TRAPPC9: variants seen among roughly 807,000 people sequenced by gnomAD.
TRAPPC9 encodes IKK2 binding protein.
A neutral mutation model predicts 124.0 loss-of-function variants in TRAPPC9; 83 were observed. That is an observed-to-expected ratio of 0.67 (90% CI 0.56 to 0.80). The LOEUF is 0.80. Among genes scored for constraint, TRAPPC9 ranks in the 30% least tolerant of loss-of-function variants. The pLI, the probability that TRAPPC9 is intolerant of heterozygous loss-of-function variation, is 0.00. For synonymous variants in TRAPPC9, 638 were observed against 617.5 expected (o/e 1.03, Z -0.49); for missense variants, 1,302 against 1,508.3 (o/e 0.86, Z 2.27).
intron 21 of TRAPPC9, among the ~76,000 whole-genome samples, chr8:139,876,317 A>G (rs1016661927): frequency 1.3e-5 from 2 of 152,108 alleles, no homozygotes; most frequent in Admixed American, 1.3e-4. Flanking sequence ...GTTCAGATGG[A>G]AGCAGCAACA....
Position 140,395,127 on chromosome 8 carries a change from A to T in TRAPPC9, c.1134+2493T>A, listed in dbSNP as rs2069051514. 2.6e-5 allele frequency among the ~76,000 whole-genome samples: 4 copies of T among 152,204 alleles called. No homozygotes were observed. In the South Asian group the frequency reaches 8.3e-4, roughly 31 times the overall value. ...TACCAGAAACTTCAACATAAACTGC[A>T]AGATACGGACCTCTTCCTAATGCTC... On this transcript the variant is annotated intron_variant, in intron 7 of 22. Coordinates refer to ENST00000438773, the MANE Select transcript of TRAPPC9 (RefSeq NM_001160372.4).
At chr8:140,165,296 G>A (rs148990436) in intron 17 of TRAPPC9, among the ~76,000 whole-genome samples, 6 of 151,730 alleles carry the variant, frequency 4.0e-5, no homozygotes, top group African/African-American at 1.2e-4. Context: ...AGCCAAGATC[G>A]CACCACTATA....
rs1588395638 is a variant in TRAPPC9 at position 140,457,739 on chromosome 8, C to T, written c.-111G>A. 1.0e-6 allele frequency: 1 copy of T among 996,492 alleles called. No individual in the cohort carries two copies. Among genetic ancestry groups the T allele is most frequent in the East Asian group, 1.1e-4 (1 of 8,920 alleles). 61.7% of individuals were successfully genotyped at this position (996,492 alleles called of 1,614,324 possible). A position where few individuals can be genotyped will look rare whatever the true frequency, so the allele number is the denominator to read the frequency against. ...CTTCCCAGGCTCTGGGCTGGCGCTT[C>T]CTACTGGCGGCCGAGCCGGCGCTGC... On this transcript the variant is annotated 5_prime_UTR_variant, in exon 1 of 23. Coordinates refer to ENST00000438773, the MANE Select transcript of TRAPPC9 (RefSeq NM_001160372.4).
intron 19 of TRAPPC9, among the ~76,000 whole-genome samples, chr8:139,942,000 C>A (rs1833947936): frequency 6.6e-6 from 1 of 152,188 alleles, no homozygotes; most frequent in South Asian, 2.1e-4. Context: ...AGAAGCAAAC[C>A]CATCTGGGAT....
At chr8:140,033,169 A>G (rs765319547) in intron 17 of TRAPPC9, among the ~76,000 whole-genome samples, 11 of 152,132 alleles carry the variant, frequency 7.2e-5, no homozygotes, top group Admixed American at 3.3e-4. Context: ...TTGCTTCTTC[A>G]TTTCCAAAAT....
At chr8:139,756,943 G>A (rs1208948477) in intron 21 of TRAPPC9, among the ~76,000 whole-genome samples, 4 of 139,504 alleles carry the variant, frequency 2.9e-5, no homozygotes, top group Non-Finnish European at 6.2e-5. Flanking sequence ...CAGGGTTGGG[G>A]TATAAGGACA....
chr8:140,442,459 C>T (rs1194436456), intron 2 of TRAPPC9, among the ~76,000 whole-genome samples: 1 of 151,592 alleles, frequency 6.6e-6, no homozygotes, highest in Admixed American at 6.6e-5. Context: ...ATTAGCCGGG[C>T]GTGGTGGCAG....
At chr8:139,996,176 A>AAAAAAAAAAAAAAAG (rs1563675087) in intron 18 of TRAPPC9, among the ~76,000 whole-genome samples, 2 of 144,816 alleles carry the variant, frequency 1.4e-5, no homozygotes, top group Non-Finnish European at 3.1e-5. Flanking sequence ...AAAAAAAAAA[A>AAAAAAAAAAAAAAAG]AAAAAAGAAA....
At chr8:140,403,207 T>C (rs1249885935) in intron 6 of TRAPPC9, among the ~76,000 whole-genome samples, 1 of 152,104 alleles carries the variant, frequency 6.6e-6, no homozygotes, top group Non-Finnish European at 1.5e-5. Flanking sequence ...GGTGAGCAGA[T>C]CACTTGAGGT....
intron 9 of TRAPPC9, among the ~76,000 whole-genome samples, chr8:140,350,703 G>A (rs2067541815): frequency 6.6e-6 from 1 of 152,138 alleles, no homozygotes; most frequent in African/African-American, 2.4e-5. Context: ...CCCAGGAACA[G>A]GCATGTGGGG....
intron 4 of TRAPPC9, among the ~76,000 whole-genome samples, chr8:140,429,731 G>A (rs183075441): frequency 1.3e-3 from 192 of 152,170 alleles, no homozygotes; most frequent in African/African-American, 3.1e-3. Context: ...GCTTGAACCC[G>A]GGAGGCAGCG....
chr8:139,742,538 C>T lies in TRAPPC9; in HGVS notation c.3056-10336G>A, dbSNP rs1818634334. ...CACAACACAACATGCAATCAGGGAC[C>T]AGGCAAGTCAGGGGCCACCAGAGAG... On this transcript the variant is annotated intron_variant, in intron 21 of 22. Transcript: ENST00000438773. The surrounding 1 kb of genome is among the most constrained non-coding windows in gnomAD (Gnocchi z 4.7). Among the ~76,000 whole-genome samples, 1 of 152,184 alleles carries T rather than the reference C, an allele frequency of 6.6e-6. No homozygotes were observed. Among genetic ancestry groups the T allele is most frequent in the South Asian group, 2.1e-4 (1 of 4,818 alleles).
At chr8:139,945,127 A>C (rs1397808556) in intron 19 of TRAPPC9, among the ~76,000 whole-genome samples, 1 of 151,670 alleles carries the variant, frequency 6.6e-6, no homozygotes, top group Admixed American at 6.6e-5. Flanking sequence ...CCATCTCAAA[A>C]ATAATAATAA....
chr8:140,281,027 G>A (rs1279256831), intron 14 of TRAPPC9, among the ~76,000 whole-genome samples: 1 of 152,208 alleles, frequency 6.6e-6, no homozygotes, highest in Non-Finnish European at 1.5e-5. Flanking sequence ...ACATTCTGCT[G>A]ACCCATTCAC....
intron 14 of TRAPPC9, among the ~76,000 whole-genome samples, chr8:140,283,635 A>T (rs2065395494): frequency 6.6e-6 from 1 of 152,014 alleles, no homozygotes; most frequent in Non-Finnish European, 1.5e-5. Flanking sequence ...TAAATTCCCT[A>T]ATTTTGTTTT....
At position 140,422,615 on chromosome 8, in the gene TRAPPC9, G is replaced by A. The variant is rs137857226; in HGVS notation, c.886+4000C>T. On this transcript the variant is annotated intron_variant, in intron 5 of 22. Transcript: ENST00000438773. ...CTAAAAATACAAAAATTAGCCGGGCGTGGTGGCATGTGTCTATAATCCCAG... is the reference window on the plus strand; with the variant it reads ...CTAAAAATACAAAAATTAGCCGGGCATGGTGGCATGTGTCTATAATCCCAG... Among the ~76,000 whole-genome samples the A allele has an allele frequency of 4.8e-3, 729 of 151,976 alleles. 9 individuals carry two copies. Among genetic ancestry groups the A allele is most frequent in the African/African-American group, 0.017 (686 of 41,458 alleles).
intron 17 of TRAPPC9, among the ~76,000 whole-genome samples, chr8:140,188,463 T>C (rs562039387): frequency 2.0e-5 from 3 of 152,318 alleles, no homozygotes; most frequent in East Asian, 3.9e-4. Flanking sequence ...TGTTGGGAAG[T>C]TGGAACTCTC....
chr8:140,250,597 C>T (rs1048099924), intron 16 of TRAPPC9, among the ~76,000 whole-genome samples: 4 of 152,086 alleles, frequency 2.6e-5, no homozygotes, highest in African/African-American at 9.7e-5. Context: ...CTGAACTGCA[C>T]GTAACAAGGC....
intron 17 of TRAPPC9, among the ~76,000 whole-genome samples, chr8:140,075,079 G>A (rs1427511830): frequency 6.6e-6 from 1 of 152,076 alleles, no homozygotes; most frequent in African/African-American, 2.4e-5. Context: ...GCAATAAAAG[G>A]AGGCAATGTG....
Sources: gnomAD v4.1 joint callset for allele counts (sites outside exome capture counted in the v4.1 genomes callset) on GRCh38, gnomAD v4.1.1 for gene constraint, Gnocchi (gnomAD v3.1) non-coding constraint, MANE v1.5 for transcripts, NCBI Gene and HGNC (gene_info 2026-07-23, HGNC 2026-07-21) for gene names.